Variants in B4GALT1 observed in about 807,000 individuals in gnomAD.
B4GALT1 encodes beta-1,4-galactosyltransferase 1, also known as N-acetyllactosamine synthase.
B4GALT1 carries 16 observed loss-of-function variants against 34.9 expected under a neutral mutation model. The observed-to-expected ratio is 0.46, with a 90% CI of 0.31 to 0.70. The LOEUF (loss-of-function observed/expected upper bound fraction) is 0.70. Among genes scored for constraint, B4GALT1 ranks in the 30% least tolerant of loss-of-function variants. The pLI, the probability that B4GALT1 is intolerant of heterozygous loss-of-function variation, is 0.05. For synonymous variants in B4GALT1, 221 were observed against 218.1 expected, an observed-to-expected ratio of 1.01 and a Z score of -0.12; for missense variants, 445 against 530.5, an observed-to-expected ratio of 0.84 and a Z score of 1.58.
intron 2 of B4GALT1, among the ~76,000 whole-genome samples, chr9:33,124,105 C>T (rs992041251): frequency 1.3e-5 from 2 of 152,086 alleles, no homozygotes; most frequent in South Asian, 2.1e-4. Context: ...GTGTCCTCCC[C>T]GGAATGACAG....
intron 1 of B4GALT1, among the ~76,000 whole-genome samples, chr9:33,154,160 A>G (rs546933348): frequency 6.6e-6 from 1 of 152,346 alleles, no homozygotes; most frequent in South Asian, 2.1e-4. Flanking sequence ...ACCATGACCA[A>G]GTGGGATTTA....
chr9:33,143,953 GCCT>G (rs1478956466), intron 1 of B4GALT1, among the ~76,000 whole-genome samples: 2 of 150,710 alleles, frequency 1.3e-5, no homozygotes, highest in Non-Finnish European at 1.5e-5. Context: ...GCTCACTGCA[GCCT>G]CAAACTGCTG....
At chr9:33,181,833 C>G in the B4GALT1 span, among the ~76,000 whole-genome samples, 1 of 152,280 alleles carries the variant, frequency 6.6e-6, no homozygotes, top group East Asian at 1.9e-4. Context: ...CCAAGGACTC[C>G]TCTAACAAAT....
At chr9:33,150,144 G>GATATATACACACATACACACACAT (rs6150980) in intron 1 of B4GALT1, among the ~76,000 whole-genome samples, 1 of 148,816 alleles carries the variant, frequency 6.7e-6, no homozygotes, top group African/African-American at 2.5e-5. Flanking sequence ...TATAGATATA[G>GATATATACACACATACACACACAT]ATATATACAC....
rs1176230045 is a variant in B4GALT1 at position 33,113,390 on chromosome 9, T to C, written c.*64A>G. On this transcript the variant is annotated 3_prime_UTR_variant, in exon 6 of 6. Coordinates refer to ENST00000379731, the MANE Select transcript of B4GALT1 (RefSeq NM_001497.4). ...AAATGAGAGGGACCAGCCCAGCAGA[T>C]TGGCAGAGACACACAGCAGAGGTCC... The C allele has an allele frequency of 3.1e-6, 5 of 1,610,402 alleles. No homozygotes were observed. Among genetic ancestry groups the C allele is most frequent in the Middle Eastern group, 1.7e-4 (1 of 5,738 alleles).
At chr9:33,180,678 T>A in the B4GALT1 span, among the ~76,000 whole-genome samples, 1 of 152,128 alleles carries the variant, frequency 6.6e-6, no homozygotes, top group Non-Finnish European at 1.5e-5. Context: ...TTAGCGTCAC[T>A]CCTAAGAATT....
At chr9:33,114,265 C>T (rs551924423) in intron 4 of B4GALT1, among the ~76,000 whole-genome samples, 1 of 152,322 alleles carries the variant, frequency 6.6e-6, no homozygotes, top group African/African-American at 2.4e-5. Context: ...CAAGCCTAGG[C>T]AGAGCCCAGT....
rs1223069630 is a variant in B4GALT1, at chr9:33,112,857, C to T, written c.*597G>A. 6.3e-6 allele frequency: 1 copy of T among 158,446 alleles called. No homozygotes were observed. The highest frequency in any genetic ancestry group is 1.4e-5 in the Non-Finnish European group (1 of 71,272). The allele number at this position is 158,446 out of a possible 1,614,324, so 9.8% of individuals were successfully genotyped here. ...TCTGATGCTAGAGTTGCCCTGGAAT[C>T]CACACACATAGGACAAAAGGTCCAG... On this transcript the variant is annotated 3_prime_UTR_variant, in exon 6 of 6. Transcript: ENST00000379731.
At chr9:33,114,447 TAA>T (rs1237456112) in intron 4 of B4GALT1, among the ~76,000 whole-genome samples, 2 of 152,214 alleles carry the variant, frequency 1.3e-5, no homozygotes, top group African/African-American at 4.8e-5. Context: ...AGGGCCAGGC[TAA>T]GTCACAGAGG....
At chr9:33,162,822 G>C (rs926095001) in intron 1 of B4GALT1, among the ~76,000 whole-genome samples, 56 of 152,332 alleles carry the variant, frequency 3.7e-4, no homozygotes, top group African/African-American at 1.3e-3. Context: ...AATTACAGCA[G>C]CCAGGGATCA....
intron 2 of B4GALT1, among the ~76,000 whole-genome samples, chr9:33,105,410 G>C (rs766008516): frequency 8.5e-5 from 13 of 152,200 alleles, no homozygotes; most frequent in African/African-American, 3.1e-4. Context: ...CAAAGTGCTA[G>C]GATTACAGAC....
downstream of B4GALT1, among the ~76,000 whole-genome samples, chr9:33,107,585 C>T (rs1354489066): frequency 1.3e-5 from 2 of 152,218 alleles, no homozygotes; most frequent in African/African-American, 2.4e-5. Context: ...ACCTGGGCCA[C>T]GTTCTCCCAT....
intron 2 of B4GALT1, among the ~76,000 whole-genome samples, chr9:33,124,254 A>C (rs753957402): frequency 1.2e-4 from 19 of 152,008 alleles, no homozygotes; most frequent in South Asian, 6.2e-4. Context: ...GCCCAGCTTC[A>C]CTCCTGCCCT....
intron 1 of B4GALT1, among the ~76,000 whole-genome samples, chr9:33,149,013 GAATT>G (rs1307488739): frequency 5.3e-5 from 8 of 152,034 alleles, no homozygotes; most frequent in Non-Finnish European, 1.0e-4. Flanking sequence ...ATTAATATAT[GAATT>G]AATTAATAGG....
chr9:33,130,682 A>C (rs1485462439), intron 2 of B4GALT1, among the ~76,000 whole-genome samples: 3 of 151,602 alleles, frequency 2.0e-5, no homozygotes, highest in Admixed American at 2.0e-4. Context: ...CCTGTGTGTA[A>C]AGCTTGATAC....
intron 4 of B4GALT1, among the ~76,000 whole-genome samples, chr9:33,114,604 A>G (rs1839913343): frequency 6.6e-6 from 1 of 152,234 alleles, no homozygotes; most frequent in African/African-American, 2.4e-5. Flanking sequence ...AAAGGCAGAA[A>G]AAAACAAATG....
downstream of B4GALT1, among the ~76,000 whole-genome samples, chr9:33,109,972 T>C (rs1182918756): frequency 6.6e-6 from 1 of 152,244 alleles, no homozygotes; most frequent in African/African-American, 2.4e-5. Flanking sequence ...AGAGTTGTCC[T>C]GTTTGAAGGC....
chr9:33,173,585 A>G, the B4GALT1 span, among the ~76,000 whole-genome samples: 5 of 129,454 alleles, frequency 3.9e-5, no homozygotes. Context: ...TAGATGAAAT[A>G]AGAATGGTGT....
chr9:33,116,053 G>T lies in B4GALT1; in HGVS notation c.897C>A (p.Thr299=). The T allele has an allele frequency of 6.2e-7, 1 of 1,613,396 alleles. No individual in the cohort carries two copies. Among genetic ancestry groups the T allele is most frequent in the South Asian group, 1.1e-5 (1 of 91,070 alleles). The stretch of plus-strand genomic sequence containing the variant: ...AATAATTATTAGGAAATCCATTGAT[G>T]GTTAGAAACTGTTGTTTACTTAGAG... The part of the protein sequence containing the change: ...VSALSKQQFL[T]INGFPNNYWG... The change falls in exon 4 of 6, where the codon ACC becomes ACA. Residue 299 remains threonine (T), a synonymous_variant. Transcript: ENST00000379731.
Sources: gnomAD v4.1 joint callset for allele counts (sites outside exome capture counted in the v4.1 genomes callset) on GRCh38, gnomAD v4.1.1 for gene constraint, MANE v1.5 for transcripts, NCBI Gene and HGNC (gene_info 2026-07-23, HGNC 2026-07-21) for gene names.